Variants in HFM1 observed in about 807,000 individuals in gnomAD.
The protein encoded by HFM1 is helicase for meiosis 1.
Under a neutral mutation model 192.1 loss-of-function variants are expected in HFM1, and 169 were observed. The ratio of observed to expected loss-of-function variants is 0.88; its 90% CI spans 0.78 to 1.00. The LOEUF is 1.00. Ranked by LOEUF, HFM1 falls within the 50% of genes least tolerant of loss-of-function variation. The pLI, the probability that HFM1 is intolerant of heterozygous loss-of-function variation, is 0.00. For synonymous variants in HFM1, 525 were observed against 537.8 expected, an observed-to-expected ratio of 0.98 and a Z score of 0.33; for missense variants, 1,661 against 1,668.0, an observed-to-expected ratio of 1.00 and a Z score of 0.07.
chr1:91,398,411 C>A (rs1018621406), intron 2 of HFM1, among the ~76,000 whole-genome samples: 1 of 152,140 alleles, frequency 6.6e-6, no homozygotes, highest in African/African-American at 2.4e-5. Context: ...TGTGTTTCCA[C>A]GGTCATTATC....
At chr1:91,388,865 A>T (rs1201044274) in intron 4 of HFM1, among the ~76,000 whole-genome samples, 1 of 152,182 alleles carries the variant, frequency 6.6e-6, no homozygotes, top group Non-Finnish European at 1.5e-5. Flanking sequence ...AAACCCACAG[A>T]ATGGGGGAAA....
At chr1:91,336,919 T>A (rs979667862) in intron 20 of HFM1, among the ~76,000 whole-genome samples, 1 of 152,186 alleles carries the variant, frequency 6.6e-6, no homozygotes, top group Non-Finnish European at 1.5e-5. Flanking sequence ...GAATGAGATA[T>A]GTCCTCTGCA....
intron 6 of HFM1, 46 bp downstream of exon 6, chr1:91,385,141 G>A: frequency 1.9e-6 from 2 of 1,041,366 alleles, no homozygotes; most frequent in Non-Finnish European, 1.4e-6. Flanking sequence ...TTAAAATTAT[G>A]ATTTAATAAA....
intron 4 of HFM1, among the ~76,000 whole-genome samples, chr1:91,392,703 C>T (rs1247281188): frequency 6.6e-6 from 1 of 152,056 alleles, no homozygotes; most frequent in Non-Finnish European, 1.5e-5. Context: ...ATGTAACAAA[C>T]CTGCATGTTG....
At chr1:91,343,567 A>C (rs1655695262) in intron 19 of HFM1, 57 bp from the exon 20 acceptor site, 1 of 661,398 alleles carries the variant, frequency 1.5e-6, no homozygotes, top group African/African-American at 1.9e-5. Flanking sequence ...GTAGGGAAAA[A>C]TAATTTATTA....
intron 6 of HFM1, among the ~76,000 whole-genome samples, 197 bp from the exon 7 acceptor site, chr1:91,381,179 T>G (rs1226131658): frequency 6.6e-6 from 1 of 152,132 alleles, no homozygotes; most frequent in Admixed American, 6.5e-5. Context: ...TGAAAAGAAT[T>G]TGCAAAGTTC....
chr1:91,274,616 G>A lies in HFM1; in HGVS notation c.3668+114C>T, dbSNP rs1184746854. 1.1e-5 allele frequency: 6 copies of A among 523,270 alleles called. No homozygotes were observed. In the Admixed American group the frequency reaches 1.4e-4, roughly 12 times the overall value. The allele number at this position is 523,270 out of a possible 1,614,324, so 32.4% of individuals were successfully genotyped here. ...TTATTGCTTCACTATGGAACTAAAC[G>A]ATAACTGTGACTTGATGGTAGCCAG... is the stretch of plus-strand genomic sequence containing the variant. On this transcript the variant is annotated intron_variant, in intron 33 of 38. Coordinates refer to ENST00000370425, the MANE Select transcript of HFM1 (RefSeq NM_001017975.6).
Position 91,302,984 on chromosome 1 carries a change from G to C in HFM1, c.3391+10365C>G, listed in dbSNP as rs1020919988. ...AATTTATCCTTTTTGCTGGTATACA[G>C]GAATACAATGGACTTTTAAATTTCT... is the stretch of plus-strand genomic sequence containing the variant. On this transcript the variant is annotated intron_variant, in intron 30 of 38. Transcript: ENST00000370425. 2.1e-4 allele frequency among the ~76,000 whole-genome samples: 32 copies of C among 152,014 alleles called. 1 individual carries two copies. In the East Asian group the frequency reaches 5.8e-3, roughly 28 times the overall value.
chr1:91,349,894 A>G (rs1656698274), intron 18 of HFM1, among the ~76,000 whole-genome samples: 1 of 152,190 alleles, frequency 6.6e-6, no homozygotes, highest in Non-Finnish European at 1.5e-5. Flanking sequence ...CTAAAATTAC[A>G]TTTTCTTATT....
intron 18 of HFM1, among the ~76,000 whole-genome samples, chr1:91,350,140 C>T (rs1656730884): frequency 6.6e-6 from 1 of 151,936 alleles, no homozygotes; most frequent in South Asian, 2.1e-4. Flanking sequence ...TTAATATAGG[C>T]TTATATTAAT....
chr1:91,364,485 T>A (rs1387917056), intron 13 of HFM1, among the ~76,000 whole-genome samples: 2 of 150,938 alleles, frequency 1.3e-5, no homozygotes, highest in Non-Finnish European at 3.0e-5. Context: ...ATATCTGCAC[T>A]CCCATGTTCC....
intron 20 of HFM1, among the ~76,000 whole-genome samples, chr1:91,339,859 C>T (rs962794685): frequency 2.6e-5 from 4 of 152,098 alleles, no homozygotes; most frequent in African/African-American, 9.7e-5. Context: ...TCATTACATT[C>T]TCCAAGATCA....
chr1:91,270,717 G>A (rs575388193), intron 34 of HFM1, among the ~76,000 whole-genome samples: 2 of 152,194 alleles, frequency 1.3e-5, no homozygotes, highest in African/African-American at 4.8e-5. Context: ...AAGACCAGTA[G>A]TATCAAATAC....
Position 91,364,722 on chromosome 1 carries a change from C to T in HFM1, c.1685+10636G>A, listed in dbSNP as rs1407384161. Among the ~76,000 whole-genome samples, 7 of 148,044 alleles carry T rather than the reference C, an allele frequency of 4.7e-5. No individual in the cohort carries two copies. In the East Asian group the frequency reaches 1.4e-3, roughly 30 times the overall value. On this transcript the variant is annotated intron_variant, in intron 13 of 38. Coordinates refer to ENST00000370425, the MANE Select transcript of HFM1 (RefSeq NM_001017975.6). ...ATCTCAGCTTACTGCAAGCTCTGCC[C>T]CCCGGGGTTCACGCCATTCTCCTGC...
In HFM1 at chr1:91,349,712, G is replaced by C. The variant is rs560639079; in HGVS notation, c.2206+1026C>G. Among the ~76,000 whole-genome samples, 2 of 152,324 alleles carry C rather than the reference G, an allele frequency of 1.3e-5. 1 individual carries two copies. The highest frequency in any genetic ancestry group is 4.1e-4 in the South Asian group (2 of 4,828). On this transcript the variant is annotated intron_variant, in intron 18 of 38. Transcript: ENST00000370425. ...GCTGACATATGTTGCAATCTGAAGA[G>C]AGCATCTGACCCACAGCCACCTAGC... is the stretch of plus-strand genomic sequence containing the variant.
At chr1:91,387,824 C>G (rs1435045661) in intron 4 of HFM1, among the ~76,000 whole-genome samples, 1 of 145,614 alleles carries the variant, frequency 6.9e-6, no homozygotes, top group Non-Finnish European at 1.5e-5. Flanking sequence ...CTAGATGACA[C>G]GTTAGTGGGT....
At chr1:91,266,342 A>C (rs971905088) in intron 35 of HFM1, among the ~76,000 whole-genome samples, 1 of 152,178 alleles carries the variant, frequency 6.6e-6, no homozygotes, top group African/African-American at 2.4e-5. Flanking sequence ...TCTTCAAGCC[A>C]CCTGTGTTGT....
At chr1:91,379,669 G>GT (rs11447849) in intron 8 of HFM1, among the ~76,000 whole-genome samples, 70,939 of 151,780 alleles carry the variant, frequency 0.47, 17,408 homozygotes, top group African/African-American at 0.63. Context: ...TCAGGCAAGT[G>GT]TAACTAAAAG....
intron 18 of HFM1, among the ~76,000 whole-genome samples, chr1:91,348,640 C>A (rs1656473620): frequency 6.6e-6 from 1 of 152,172 alleles, no homozygotes; most frequent in South Asian, 2.1e-4. Flanking sequence ...AAGCTTCCAG[C>A]CAGGCATGGT....
Sources: allele counts gnomAD v4.1 joint callset (sites outside exome capture counted in the v4.1 genomes callset), GRCh38; gene constraint gnomAD v4.1.1; transcripts MANE v1.5; gene names NCBI Gene and HGNC (gene_info 2026-07-23, HGNC 2026-07-21).